Variants in DYSF observed in about 807,000 individuals in gnomAD.
DYSF encodes dystrophy-associated fer-1-like 1.
DYSF carries 212 observed loss-of-function variants against 274.9 expected under a neutral mutation model. The observed-to-expected ratio is 0.77, with a 90% CI of 0.69 to 0.86. DYSF has a LOEUF of 0.86. Ranked by LOEUF, DYSF falls within the 40% of genes least tolerant of loss-of-function variation. DYSF has a pLI of 0.00. For synonymous variants in DYSF, 1,091 were observed against 1,078.7 expected (o/e 1.01, Z -0.22); for missense variants, 2,666 against 2,783.2 (o/e 0.96, Z 0.95).
intron 40 of DYSF, among the ~76,000 whole-genome samples, chr2:71,616,915 G>C (rs1405759452): frequency 6.6e-6 from 1 of 151,820 alleles, no homozygotes; most frequent in Non-Finnish European, 1.5e-5. Flanking sequence ...TTCACTAGTT[G>C]TTGTTGTTTT....
intron 31 of DYSF, 141 bp downstream of exon 31, chr2:71,589,827 G>A: frequency 1.2e-6 from 1 of 832,890 alleles, no homozygotes; most frequent in South Asian, 1.4e-5. Context: ...TCAGTGCTGT[G>A]TGTATGTGTG....
At chr2:71,503,420 C>A in intron 4 of DYSF, 101 bp downstream of exon 4, 1 of 1,233,900 alleles carries the variant, frequency 8.1e-7, no homozygotes, top group Non-Finnish European at 1.2e-6. Flanking sequence ...CATCTGACTT[C>A]AGCTCCCTTG....
rs986679133 is a variant in DYSF, at chr2:71,491,241, T to C, written c.239+9271T>C. 2.0e-5 allele frequency among the ~76,000 whole-genome samples: 3 copies of C among 152,226 alleles called. No individual in the cohort carries two copies. The South Asian group carries it at 6.2e-4, about 32-fold the overall frequency. ...ATCATTGTATTTTGGGTTGCTCGTC[T>C]TTTCCTTTTAATTCATAATAATTAC... On this transcript the variant is annotated intron_variant, in intron 3 of 55. Coordinates refer to ENST00000410020, the MANE Select transcript of DYSF (RefSeq NM_001130987.2).
rs79899601 is a variant in DYSF at position 71,598,577 on chromosome 2, C to T, written c.3588C>T (p.Ile1196=). ...CGGCCCATGCAGATCCCTATGCCAT[C>T]GTCTCCTTCCTGCACCAGAGCCAGA... ...DKDSFSDPYA[I]VSFLHQSQKT... The change falls in exon 33 of 56, where the codon ATC becomes ATT. Residue 1196 remains isoleucine (I), a synonymous_variant. Coordinates refer to ENST00000410020, the MANE Select transcript of DYSF (RefSeq NM_001130987.2). 12,432 of 1,614,198 alleles carry T rather than the reference C, an allele frequency of 7.7e-3. 59 individuals carry two copies. Among genetic ancestry groups the T allele is most frequent in the Non-Finnish European group, 9.0e-3 (10,642 of 1,180,038 alleles).
intron 16 of DYSF, among the ~76,000 whole-genome samples, chr2:71,535,677 G>A (rs2089262967): frequency 1.3e-5 from 2 of 152,156 alleles, no homozygotes; most frequent in Non-Finnish European, 2.9e-5. Flanking sequence ...GGTCTGAAAA[G>A]AGCAGAGCTT....
At chr2:71,616,301 G>T (rs1369081763) in intron 40 of DYSF, among the ~76,000 whole-genome samples, 10 of 152,144 alleles carry the variant, frequency 6.6e-5, no homozygotes, top group East Asian at 1.9e-4. Flanking sequence ...AGGGTGGGGG[G>T]CCCTGTTTAG....
chr2:71,461,148 A>G (rs2081268708), intron 1 of DYSF, among the ~76,000 whole-genome samples: 1 of 152,072 alleles, frequency 6.6e-6, no homozygotes, highest in Non-Finnish European at 1.5e-5. Flanking sequence ...ACTAAGACAG[A>G]CTTGGTCTCT....
chr2:71,494,370 A>G (rs1249966931), intron 3 of DYSF, among the ~76,000 whole-genome samples: 1 of 152,132 alleles, frequency 6.6e-6, no homozygotes, highest in Non-Finnish European at 1.5e-5. Flanking sequence ...CACCTGGTCA[A>G]GGTGTTGTCT....
chr2:71,482,296 TG>T (rs1330525427), intron 3 of DYSF, among the ~76,000 whole-genome samples: 1 of 152,032 alleles, frequency 6.6e-6, no homozygotes, highest in Non-Finnish European at 1.5e-5. Flanking sequence ...CTCCCTGAGG[TG>T]GGCTCTCTTT....
chr2:71,664,160 G>A (rs1573051367), intron 45 of DYSF, 108 bp from the exon 46 acceptor site: 17 of 1,405,682 alleles, frequency 1.2e-5, no homozygotes, highest in African/African-American at 1.4e-5. Context: ...ATCTGTAGGG[G>A]GCCCAAGGAA....
chr2:71,676,824 T>G (rs2095230272), intron 52 of DYSF, among the ~76,000 whole-genome samples: 1 of 152,220 alleles, frequency 6.6e-6, no homozygotes, highest in Admixed American at 6.5e-5. Flanking sequence ...ATTTATTACT[T>G]TTTAATTTTA....
intron 37 of DYSF, 24 bp from the exon 38 acceptor site, chr2:71,611,441 A>G (rs2093759182): frequency 6.2e-7 from 1 of 1,613,762 alleles, no homozygotes; most frequent in East Asian, 2.2e-5. Flanking sequence ...CTTCTGAGCC[A>G]CTCTCCTCAT....
At chr2:71,454,139 A>T in intron 1 of DYSF, 1 of 1,549,634 alleles carries the variant, frequency 6.5e-7, no homozygotes, top group Middle Eastern at 1.7e-4. Flanking sequence ...AGAGGAGGGG[A>T]CGCCGCGGCT....
chr2:71,524,350 G>A (rs200983103), intron 12 of DYSF, among the ~76,000 whole-genome samples: 1 of 152,178 alleles, frequency 6.6e-6, no homozygotes, highest in East Asian at 1.9e-4. Context: ...GCCTAGTACG[G>A]CAGGTCTTGT....
chr2:71,453,872 A>C, exon 1 of DYSF: 1 of 932,396 alleles, frequency 1.1e-6, no homozygotes, highest in Middle Eastern at 2.1e-4. Flanking sequence ...CAGGAGCCAG[A>C]GATTCGAGCC....
intron 53 of DYSF, among the ~76,000 whole-genome samples, chr2:71,680,323 A>T (rs1189640327): frequency 6.6e-6 from 1 of 152,226 alleles, no homozygotes; most frequent in East Asian, 1.9e-4. Flanking sequence ...GCTGCTGAGC[A>T]TGCAGAGAGA....
chr2:71,624,792 C>T (rs1031872436), intron 41 of DYSF, among the ~76,000 whole-genome samples: 5 of 152,174 alleles, frequency 3.3e-5, no homozygotes, highest in South Asian at 2.1e-4. Flanking sequence ...TTTTCAGGAA[C>T]GCATATCTTA....
intron 14 of DYSF, among the ~76,000 whole-genome samples, chr2:71,530,773 C>T (rs931471412): frequency 3.9e-5 from 6 of 152,128 alleles, no homozygotes; most frequent in Admixed American, 6.6e-5. Context: ...GCTCTTATGG[C>T]GTGTCTCATT....
At chr2:71,508,831 C>G (rs528432606) in intron 4 of DYSF, among the ~76,000 whole-genome samples, 1 of 152,252 alleles carries the variant, frequency 6.6e-6, no homozygotes, top group South Asian at 2.1e-4. Context: ...CCCGTGAGTT[C>G]TATGAGCTGT....
Sources: gnomAD v4.1 joint callset for allele counts (sites outside exome capture counted in the v4.1 genomes callset) on GRCh38, gnomAD v4.1.1 for gene constraint, MANE v1.5 for transcripts, NCBI Gene and HGNC (gene_info 2026-07-23, HGNC 2026-07-21) for gene names.